PDZD2: variants seen among roughly 807,000 people sequenced by gnomAD.
PDZD2 encodes the protein PDZ domain-containing protein 2.
A neutral mutation model predicts 220.7 loss-of-function variants in PDZD2; 90 were observed. The ratio of observed to expected loss-of-function variants is 0.41; its 90% CI spans 0.34 to 0.49. The LOEUF (loss-of-function observed/expected upper bound fraction) is 0.49, where lower values mean the gene tolerates loss of function less well. Among genes scored for constraint, PDZD2 ranks in the 20% least tolerant of loss-of-function variants. The probability of loss-of-function intolerance (pLI) is 0.28; values close to 1 mark genes in which losing one functional copy is unlikely to be tolerated. For missense variants in PDZD2, 3,174 were observed against 3,608.5 expected (o/e 0.88, Z 3.08); for synonymous variants, 1,375 against 1,450.5 (o/e 0.95, Z 1.18).
intron 2 of PDZD2, among the ~76,000 whole-genome samples, 195 bp downstream of exon 2, chr5:31,799,919 G>C (rs968958238): frequency 6.6e-6 from 1 of 152,190 alleles, no homozygotes; most frequent in Non-Finnish European, 1.5e-5. Context: ...GGTCTTGGAT[G>C]TGTTTTCATC....
At chr5:31,882,997 TC>T (rs1740064071) in intron 2 of PDZD2, among the ~76,000 whole-genome samples, 1 of 120,802 alleles carries the variant, frequency 8.3e-6, no homozygotes, top group Admixed American at 1.1e-4. Context: ...GCCACTGCAT[TC>T]CATCCTGGGT....
chr5:31,806,779 C>T (rs576988966), intron 2 of PDZD2, among the ~76,000 whole-genome samples: 102 of 152,180 alleles, frequency 6.7e-4, no homozygotes, highest in African/African-American at 2.4e-3. Flanking sequence ...AGATCTGTTC[C>T]CTAAGGACAG....
At chr5:31,678,373 G>A (rs191949263) in intron 1 of PDZD2, among the ~76,000 whole-genome samples, 11 of 152,324 alleles carry the variant, frequency 7.2e-5, no homozygotes, top group Admixed American at 5.2e-4. Flanking sequence ...AGCAGCAGCC[G>A]CTGAGGGGAA....
intron 13 of PDZD2, among the ~76,000 whole-genome samples, chr5:32,060,429 G>C (rs1042446200): frequency 1.3e-5 from 2 of 152,140 alleles, no homozygotes; most frequent in African/African-American, 4.8e-5. Flanking sequence ...GTTCAAATTT[G>C]AAACGTTTTT....
chr5:31,639,217 G>C lies in PDZD2; in HGVS notation c.-581G>C, dbSNP rs1357179997. ...GGCCCCGGGCAGCGGGACGCGGCGG[G>C]GCGGCGGCTGCAGGCAGCCGAGGAG... On this transcript the variant is annotated 5_prime_UTR_variant, in exon 1 of 25. Coordinates refer to ENST00000438447, the MANE Select transcript of PDZD2 (RefSeq NM_178140.4). The surrounding 1 kb of genome is among the most constrained non-coding windows in gnomAD (Gnocchi z 4.1). Among the ~76,000 whole-genome samples, 3 of 151,710 alleles carry C rather than the reference G, an allele frequency of 2.0e-5. No individual in the cohort carries two copies. The highest frequency in any genetic ancestry group is 7.2e-5 in the African/African-American group (3 of 41,388).
intron 19 of PDZD2, among the ~76,000 whole-genome samples, chr5:32,082,851 G>A (rs1742101004): frequency 6.6e-6 from 1 of 152,142 alleles, no homozygotes; most frequent in African/African-American, 2.4e-5. Context: ...TAGCTTTCTG[G>A]CAGCAATTGA....
At chr5:31,741,329 G>T (rs2150166658) in intron 1 of PDZD2, among the ~76,000 whole-genome samples, 1 of 151,546 alleles carries the variant, frequency 6.6e-6, no homozygotes, top group South Asian at 2.1e-4. Flanking sequence ...CCAATTTTTG[G>T]CAATGAAAAT....
intron 3 of PDZD2, among the ~76,000 whole-genome samples, chr5:31,989,504 C>G (rs1751042184): frequency 6.7e-6 from 1 of 150,106 alleles, no homozygotes. Context: ...CTCGCTGCAG[C>G]CTCTGCCTCC....
intron 6 of PDZD2, among the ~76,000 whole-genome samples, chr5:32,031,561 T>G (rs558268518): frequency 6.6e-6 from 1 of 152,190 alleles, no homozygotes; most frequent in Non-Finnish European, 1.5e-5. Context: ...TCTTTGGATC[T>G]CCATTGGTTT....
chr5:31,933,431 G>A (rs1361043791), intron 2 of PDZD2, among the ~76,000 whole-genome samples: 1 of 152,090 alleles, frequency 6.6e-6, no homozygotes, highest in Non-Finnish European at 1.5e-5. Flanking sequence ...TCTGCTTTCG[G>A]TTCTTGGGTT....
rs114328697 is a variant in PDZD2, at chr5:31,659,658, A to C, written c.-361+20221A>C. ...ATTTCAGTGGCTTTTCTTGTATAGG[A>C]CTGCTAAGACTTATTCTCATTTCTG... On this transcript the variant is annotated intron_variant, in intron 1 of 24. Coordinates refer to ENST00000438447, the MANE Select transcript of PDZD2 (RefSeq NM_178140.4). Among the ~76,000 whole-genome samples the C allele has an allele frequency of 7.9e-3, 1,207 of 152,252 alleles. 18 individuals carry two copies. The highest frequency in any genetic ancestry group is 0.028 in the African/African-American group (1,151 of 41,550).
intron 2 of PDZD2, among the ~76,000 whole-genome samples, chr5:31,982,901 C>A (rs1332771662): frequency 6.6e-6 from 1 of 152,144 alleles, no homozygotes; most frequent in Non-Finnish European, 1.5e-5. Flanking sequence ...ACTCCTGATC[C>A]TACGGTACTT....
chr5:32,101,277 T>TGTCA (rs2111688129), intron 24 of PDZD2, 38 bp downstream of exon 24: 1 of 1,532,316 alleles, frequency 6.5e-7, no homozygotes, highest in East Asian at 2.3e-5. Context: ...TTCTCTCACC[T>TGTCA]GTCATTTTTC....
intron 2 of PDZD2, among the ~76,000 whole-genome samples, chr5:31,980,872 C>T (rs1750239814): frequency 6.6e-6 from 1 of 152,142 alleles, no homozygotes; most frequent in Admixed American, 6.6e-5. Context: ...CAACCTCTGC[C>T]TTTCGGGTTC....
At chr5:31,722,047 T>G (rs1748837513) in intron 1 of PDZD2, among the ~76,000 whole-genome samples, 1 of 152,122 alleles carries the variant, frequency 6.6e-6, no homozygotes, top group South Asian at 2.1e-4. Flanking sequence ...CTTGAATGTC[T>G]TCTTCTCCCC....
intron 1 of PDZD2, among the ~76,000 whole-genome samples, chr5:31,766,740 T>C (rs2150193186): frequency 6.6e-6 from 1 of 151,638 alleles, no homozygotes; most frequent in Non-Finnish European, 1.5e-5. Flanking sequence ...GAATTTTTTT[T>C]TTTTTTTGAG....
intron 2 of PDZD2, among the ~76,000 whole-genome samples, chr5:31,965,835 G>A (rs184014523): frequency 6.6e-6 from 1 of 152,250 alleles, no homozygotes; most frequent in African/African-American, 2.4e-5. Context: ...AGAGGCAGAG[G>A]TTGCGGTGAG....
intron 1 of PDZD2, among the ~76,000 whole-genome samples, chr5:31,715,224 T>G (rs919248065): frequency 2.6e-5 from 4 of 152,274 alleles, no homozygotes; most frequent in African/African-American, 9.6e-5. Flanking sequence ...GAGAGGGCTT[T>G]GTAGTAGAGA....
At chr5:32,013,236 A>G (rs938604518) in intron 6 of PDZD2, among the ~76,000 whole-genome samples, 15 of 152,104 alleles carry the variant, frequency 9.9e-5, no homozygotes, top group African/African-American at 3.6e-4. Flanking sequence ...AATTTGTTTC[A>G]CCAATGTACT....
Sources: gnomAD v4.1 joint callset for allele counts (sites outside exome capture counted in the v4.1 genomes callset) on GRCh38, gnomAD v4.1.1 for gene constraint, Gnocchi (gnomAD v3.1) non-coding constraint, MANE v1.5 for transcripts, NCBI Gene and HGNC (gene_info 2026-07-23, HGNC 2026-07-21) for gene names.